Variants in TCF12 observed in about 807,000 individuals in gnomAD.
The protein encoded by TCF12 is transcription factor 12.
A neutral mutation model predicts 86.0 loss-of-function variants in TCF12; 45 were observed. That is an observed-to-expected ratio of 0.52 (90% CI 0.41 to 0.67). The LOEUF (loss-of-function observed/expected upper bound fraction) is 0.67, where lower values mean the gene tolerates loss of function less well. Among genes scored for constraint, TCF12 ranks in the 30% least tolerant of loss-of-function variants. The pLI is 0.00. For missense variants in TCF12, 881 were observed against 859.9 expected, an observed-to-expected ratio of 1.02 and a Z score of -0.31; for synonymous variants, 330 against 299.6, an observed-to-expected ratio of 1.10 and a Z score of -1.05.
At position 57,289,450 on chromosome 15, in the gene TCF12, C is replaced by G. The variant is rs1402414855; in HGVS notation, c.*3305C>G. 6.6e-6 allele frequency: 1 copy of G among 152,164 alleles called. No homozygotes were observed. Among genetic ancestry groups the G allele is most frequent in the African/African-American group, 2.4e-5 (1 of 41,454 alleles). 9.4% of individuals were successfully genotyped at this position (152,164 alleles called of 1,614,324 possible). A position where few individuals can be genotyped will look rare whatever the true frequency, so the allele number is the denominator to read the frequency against. ...GACACTTAAAACTTTCCCTACAAAA[C>G]CTCCCTGCCTTGACTTTCTCTTTCT... is the stretch of plus-strand genomic sequence containing the variant. On this transcript the variant is annotated 3_prime_UTR_variant, in exon 21 of 21. Coordinates refer to ENST00000333725, the MANE Select transcript of TCF12 (RefSeq NM_207037.2).
chr15:56,932,670 G>A (rs1056644118), intron 3 of TCF12, among the ~76,000 whole-genome samples: 20 of 152,048 alleles, frequency 1.3e-4, no homozygotes, highest in African/African-American at 4.3e-4. Context: ...CCGGGTTCAA[G>A]CGATTTTTGT....
intron 8 of TCF12, among the ~76,000 whole-genome samples, chr15:57,198,739 G>C (rs2057391134): frequency 7.9e-6 from 1 of 127,046 alleles, no homozygotes; most frequent in Non-Finnish European, 1.7e-5. Flanking sequence ...GTAAATGGAT[G>C]TTGGGCTTTT....
intron 5 of TCF12, among the ~76,000 whole-genome samples, chr15:57,149,515 A>C (rs1438216651): frequency 1.3e-5 from 2 of 152,254 alleles, no homozygotes; most frequent in Non-Finnish European, 2.9e-5. Flanking sequence ...CAAATATGTC[A>C]GCAGACTTAG....
chr15:57,104,188 T>TATGTG (rs1426387571), intron 5 of TCF12, among the ~76,000 whole-genome samples: 1 of 152,114 alleles, frequency 6.6e-6, no homozygotes, highest in Non-Finnish European at 1.5e-5. Flanking sequence ...AGACACCGTA[T>TATGTG]ATGTGAAAAT....
Position 56,923,337 on chromosome 15 carries a change from A to C in TCF12, c.148+2239A>C, listed in dbSNP as rs563009533. Among the ~76,000 whole-genome samples the C allele has an allele frequency of 1.0e-3, 154 of 152,194 alleles. 2 individuals are homozygous for C. The highest frequency in any genetic ancestry group is 1.5e-3 in the Non-Finnish European group (101 of 67,922). ...CCTGAAGCAAAACAAATAACTCATC[A>C]TGGCTGAGTTATTTATGAGTGTCGG... On this transcript the variant is annotated intron_variant, in intron 3 of 20. Transcript: ENST00000333725.
intron 8 of TCF12, among the ~76,000 whole-genome samples, chr15:57,217,436 A>G (rs1355957943): frequency 1.3e-5 from 2 of 152,178 alleles, no homozygotes; most frequent in Non-Finnish European, 2.9e-5. Context: ...TTAATAACCA[A>G]GGTTGCTTAG....
chr15:57,213,341 A>G (rs753721662), intron 8 of TCF12, among the ~76,000 whole-genome samples: 1 of 152,252 alleles, frequency 6.6e-6, no homozygotes, highest in Admixed American at 6.5e-5. Flanking sequence ...TCCAGTGAAT[A>G]TAGCAAAAAT....
intron 3 of TCF12, among the ~76,000 whole-genome samples, chr15:56,955,633 T>C (rs1324884529): frequency 1.3e-5 from 2 of 152,214 alleles, no homozygotes; most frequent in African/African-American, 4.8e-5. Flanking sequence ...TTAAATGTAT[T>C]GAGTCTTGTT....
At chr15:56,947,332 C>T (rs1238238232) in intron 3 of TCF12, among the ~76,000 whole-genome samples, 1 of 152,016 alleles carries the variant, frequency 6.6e-6, no homozygotes, top group Non-Finnish European at 1.5e-5. Context: ...AGTAATATAG[C>T]GGGACTCCAA....
intron 3 of TCF12, among the ~76,000 whole-genome samples, chr15:56,958,741 G>A (rs1293580150): frequency 6.6e-6 from 1 of 151,330 alleles, no homozygotes; most frequent in Admixed American, 6.6e-5. Context: ...GACAGGCATC[G>A]TGGCTCATGC....
intron 6 of TCF12, among the ~76,000 whole-genome samples, chr15:57,181,065 C>T (rs1444368987): frequency 4.6e-5 from 7 of 151,974 alleles, no homozygotes; most frequent in South Asian, 2.1e-4. Context: ...CCGCCCGCCT[C>T]GGTCTCCCAA....
At chr15:57,167,555 T>C (rs922868928) in intron 6 of TCF12, among the ~76,000 whole-genome samples, 2 of 150,380 alleles carry the variant, frequency 1.3e-5, no homozygotes, top group African/African-American at 4.9e-5. Context: ...TAAGACTCTG[T>C]CTCAAAAAGA....
chr15:56,968,006 A>G (rs1009139708), intron 3 of TCF12, among the ~76,000 whole-genome samples: 33 of 152,106 alleles, frequency 2.2e-4, no homozygotes, highest in South Asian at 2.1e-4. Context: ...CCCAGGGTGG[A>G]GTGCAGTGGT....
Position 56,985,589 on chromosome 15 carries a change from C to A in TCF12, c.148+64491C>A, listed in dbSNP as rs562463625. On this transcript the variant is annotated intron_variant, in intron 3 of 20. Transcript: ENST00000333725. Reference sequence around the variant, plus strand: ...GTGTGCTTATAACCGTAGTTCCTGTCTTTATAAAAATGTATGAATAAATTT... The same window carrying A: ...GTGTGCTTATAACCGTAGTTCCTGTATTTATAAAAATGTATGAATAAATTT... Among the ~76,000 whole-genome samples the A allele has an allele frequency of 6.0e-4, 92 of 152,204 alleles. 2 individuals are homozygous for A. The South Asian group carries it at 0.019, about 31-fold the overall frequency.
intron 14 of TCF12, among the ~76,000 whole-genome samples, chr15:57,251,686 CTT>C (rs1322089850): frequency 6.6e-6 from 1 of 152,160 alleles, no homozygotes; most frequent in Non-Finnish European, 1.5e-5. Context: ...AAATCTAGGG[CTT>C]AATCTTTCTA....
chr15:57,268,847 C>T (rs78881421), intron 18 of TCF12, among the ~76,000 whole-genome samples: 2 of 145,058 alleles, frequency 1.4e-5, no homozygotes, highest in Non-Finnish European at 3.0e-5. Flanking sequence ...TTTTTTTTTC[C>T]TGAGAAGTTC....
At chr15:57,152,507 G>A (rs1231118347) in intron 5 of TCF12, among the ~76,000 whole-genome samples, 1 of 149,968 alleles carries the variant, frequency 6.7e-6, no homozygotes, top group Admixed American at 6.7e-5. Flanking sequence ...TTAGCTGATA[G>A]ATGGAAATAA....
At chr15:57,033,885 G>C (rs1400693292) in intron 3 of TCF12, among the ~76,000 whole-genome samples, 1 of 152,118 alleles carries the variant, frequency 6.6e-6, no homozygotes, top group Admixed American at 6.5e-5. Flanking sequence ...TTTAGAAATG[G>C]ATATGATGAA....
Position 57,219,225 on chromosome 15 carries a change from G to C in TCF12, c.580-11927G>C, listed in dbSNP as rs1333930196. 2.7e-6 allele frequency: 3 copies of C among 1,118,476 alleles called. No individual in the cohort carries two copies. The African/African-American group carries it at 4.8e-5, about 18-fold the overall frequency. The allele number at this position is 1,118,476 out of a possible 1,614,324, so 69.3% of individuals were successfully genotyped here. A position where few individuals can be genotyped will look rare whatever the true frequency, so the allele number is the denominator to read the frequency against. On this transcript the variant is annotated intron_variant, in intron 8 of 20. Transcript: ENST00000333725. ...ATTTCTTGGGTTATTTTTATTCAGG[G>C]CATATTTATTTAGCGCTTAAAAGTG...
Sources: allele counts gnomAD v4.1 joint callset (sites outside exome capture counted in the v4.1 genomes callset), GRCh38; gene constraint gnomAD v4.1.1; transcripts MANE v1.5; gene names NCBI Gene and HGNC (gene_info 2026-07-23, HGNC 2026-07-21).